Variants in RB1 observed in about 807,000 individuals in gnomAD.
The protein encoded by RB1 is RB transcriptional corepressor 1.
A neutral mutation model predicts 135.4 loss-of-function variants in RB1; 18 were observed. That is an observed-to-expected ratio of 0.13 (90% CI 0.09 to 0.20). The LOEUF (loss-of-function observed/expected upper bound fraction) is 0.20. RB1 is among the 10% of genes least tolerant of loss of function. The pLI, the probability that RB1 is intolerant of heterozygous loss-of-function variation, is 1.00. For missense variants in RB1, 868 were observed against 1,110.0 expected (o/e 0.78, Z 3.10); for synonymous variants, 365 against 373.2 (o/e 0.98, Z 0.25).
chr13:48,417,434 C>G (rs1272816410), intron 17 of RB1: 1 of 152,186 alleles, frequency 6.6e-6, no homozygotes, highest in Non-Finnish European at 1.5e-5. Flanking sequence ...TCACCAACAT[C>G]GAAGACCAAA....
In RB1 at chr13:48,404,889, A is replaced by C. The variant is rs142540356; in HGVS notation, c.1695+23446A>C. ...AGCTTCCAGAGAGAAAAAGTAAGCT[A>C]TTTTAGGGGAATGAGATCCAGATCA... On this transcript the variant is annotated intron_variant, in intron 17 of 26. Coordinates refer to ENST00000267163, the MANE Select transcript of RB1 (RefSeq NM_000321.3). Among the ~76,000 whole-genome samples the C allele has an allele frequency of 5.5e-3, 832 of 152,258 alleles. 14 individuals carry two copies. The highest frequency in any genetic ancestry group is 0.019 in the African/African-American group (792 of 41,556).
chr13:48,333,146 G>A (rs1473872317), intron 2 of RB1: 1 of 397,338 alleles, frequency 2.5e-6, no homozygotes, highest in Non-Finnish European at 4.4e-6. Context: ...ATATCACATT[G>A]AACACCTTAA....
At position 48,379,616 on chromosome 13, in the gene RB1, T is replaced by C. The variant is rs2138140900; in HGVS notation, c.1355T>C (p.Leu452Ser). The C allele has an allele frequency of 6.2e-7, 1 of 1,612,766 alleles. No individual in the cohort carries two copies. The highest frequency in any genetic ancestry group is 8.5e-7 in the Non-Finnish European group (1 of 1,179,728). The stretch of plus-strand genomic sequence containing the variant: ...TAGCGATACAAACTTGGAGTTCGCT[T>C]GTATTACCGAGTAATGGAATCCATG... The part of the protein sequence containing the change: ...GSQRYKLGVR[L>S]YYRVMESMLK... Residue 452 changes from leucine (L) to serine (S), a missense_variant, in exon 14 of 27, where the codon TTG (leucine) becomes TCG (serine). Around this residue, in one of 3 missense-constraint regions of RB1, gnomAD observed 641 missense variants for 791.3 expected, o/e 0.81. Transcript: ENST00000267163.
intron 20 of RB1, among the ~76,000 whole-genome samples, chr13:48,460,222 G>A (rs1949396399): frequency 1.3e-5 from 2 of 151,730 alleles, no homozygotes; most frequent in South Asian, 4.2e-4. Flanking sequence ...GTCTACCTAA[G>A]GCCTCCCAAA....
At chr13:48,347,756 C>G (rs2138091332) in intron 4 of RB1, 69 bp from the exon 5 acceptor site, 2 of 1,023,042 alleles carry the variant, frequency 2.0e-6, no homozygotes, top group Non-Finnish European at 3.0e-6. Context: ...ATAAATAAAG[C>G]ATGAGAAAAC....
At position 48,311,134 on chromosome 13, in the gene RB1, T is replaced by C. The variant is rs1952126497; in HGVS notation, c.264+3728T>C. ...ATATGATTTTAGGCAAATTGGTTAA[T>C]TCTGTGAGTCTCAGTTTGCTCACCT... On this transcript the variant is annotated intron_variant, in intron 2 of 26. Coordinates refer to ENST00000267163, the MANE Select transcript of RB1 (RefSeq NM_000321.3). Among the ~76,000 whole-genome samples, 2 of 152,294 alleles carry C rather than the reference T, an allele frequency of 1.3e-5. 1 individual carries two copies. Among genetic ancestry groups the C allele is most frequent in the East Asian group, 3.9e-4 (2 of 5,188 alleles).
intron 17 of RB1, among the ~76,000 whole-genome samples, chr13:48,387,656 C>T (rs187325766): frequency 1.3e-5 from 2 of 152,118 alleles, no homozygotes. Context: ...CTTTTATCAT[C>T]TCTGTGAATA....
chr13:48,364,308 A>G (rs1453872399), intron 8 of RB1, among the ~76,000 whole-genome samples: 1 of 152,202 alleles, frequency 6.6e-6, no homozygotes, highest in Non-Finnish European at 1.5e-5. Context: ...ATACTAGTCT[A>G]TTTTATCATT....
chr13:48,360,581 G>T, intron 7 of RB1: 1 of 161,940 alleles, frequency 6.2e-6, no homozygotes, highest in Non-Finnish European at 1.3e-5. Flanking sequence ...GCTTAACTAA[G>T]TTTTTATTAC....
At chr13:48,346,088 G>A (rs1030171231) in intron 4 of RB1, among the ~76,000 whole-genome samples, 5 of 137,702 alleles carry the variant, frequency 3.6e-5, no homozygotes, top group African/African-American at 1.3e-4. Context: ...TAATATGGTA[G>A]CATTGGCCAT....
At chr13:48,321,369 G>T (rs1419516742) in intron 2 of RB1, among the ~76,000 whole-genome samples, 1 of 6,128 alleles carries the variant, frequency 1.6e-4, no homozygotes, top group Non-Finnish European at 4.3e-4. Context: ...GGAGGGGCAA[G>T]GGCCCTCCGC....
intron 17 of RB1, among the ~76,000 whole-genome samples, chr13:48,434,669 G>C (rs938610467): frequency 1.3e-5 from 2 of 152,122 alleles, no homozygotes; most frequent in African/African-American, 2.4e-5. Flanking sequence ...GCTTGACCTG[G>C]TGAAAATGTG....
rs373284630 is a variant in RB1, at chr13:48,378,498, T to C, written c.1333-1096T>C. Among the ~76,000 whole-genome samples the C allele has an allele frequency of 4.8e-4, 73 of 152,158 alleles. 2 individuals are homozygous for C. The South Asian group carries it at 0.014, about 29-fold the overall frequency. ...AAGTCTTCAGGGACAATAAAATGCA[T>C]AGAGCTGTCAACTCCTATGATGATG... is the stretch of plus-strand genomic sequence containing the variant. On this transcript the variant is annotated intron_variant, in intron 13 of 26. Transcript: ENST00000267163.
At chr13:48,355,038 A>G (rs1952578631) in intron 6 of RB1, among the ~76,000 whole-genome samples, 1 of 152,152 alleles carries the variant, frequency 6.6e-6, no homozygotes, top group Non-Finnish European at 1.5e-5. Context: ...CCTCACAAAC[A>G]CAGTCAACCA....
intron 17 of RB1, among the ~76,000 whole-genome samples, chr13:48,413,799 A>G (rs1446746302): frequency 6.6e-6 from 1 of 152,156 alleles, no homozygotes; most frequent in Non-Finnish European, 1.5e-5. Flanking sequence ...TGTTAATTTT[A>G]CTTTCTAAGC....
chr13:48,393,679 T>C (rs1291833635), intron 17 of RB1, among the ~76,000 whole-genome samples: 1 of 152,208 alleles, frequency 6.6e-6, no homozygotes, highest in Non-Finnish European at 1.5e-5. Context: ...TTGTGTTAAA[T>C]GCATCAGGTC....
intron 17 of RB1, among the ~76,000 whole-genome samples, chr13:48,437,375 A>G (rs956967937): frequency 6.6e-5 from 10 of 152,206 alleles, no homozygotes; most frequent in African/African-American, 1.2e-4. Flanking sequence ...TATTTTCTTT[A>G]TAGTTAAAAA....
chr13:48,447,142 G>A (rs1240463057), intron 17 of RB1, among the ~76,000 whole-genome samples: 1 of 152,194 alleles, frequency 6.6e-6, no homozygotes, highest in African/African-American at 2.4e-5. Flanking sequence ...ATGAGAGAAA[G>A]AATAATAATG....
chr13:48,370,230 C>G (rs879660105), intron 11 of RB1, among the ~76,000 whole-genome samples: 37 of 152,084 alleles, frequency 2.4e-4, no homozygotes, highest in Non-Finnish European at 3.8e-4. Context: ...GAAAACCCTG[C>G]TGTCACACCA....
Sources: allele counts gnomAD v4.1 joint callset (sites outside exome capture counted in the v4.1 genomes callset), GRCh38; gene constraint gnomAD v4.1.1; regional missense constraint gnomAD v4.1.1; transcripts MANE v1.5; gene names NCBI Gene and HGNC (gene_info 2026-07-23, HGNC 2026-07-21).